PEMT: variants seen among roughly 807,000 people sequenced by gnomAD.
PEMT encodes the protein phospholipid methyltransferase.
PEMT carries 23 observed loss-of-function variants against 27.4 expected under a neutral mutation model. That is an observed-to-expected ratio of 0.84 (90% CI 0.60 to 1.19). The LOEUF is 1.19. Ranked by LOEUF, PEMT falls within the 50% of genes most tolerant of loss-of-function variation. The pLI, the probability that PEMT is intolerant of heterozygous loss-of-function variation, is 0.00. For synonymous variants in PEMT, 137 were observed against 139.1 expected, an observed-to-expected ratio of 0.98 and a Z score of 0.11; for missense variants, 307 against 310.1, an observed-to-expected ratio of 0.99 and a Z score of 0.07.
intron 1 of PEMT, among the ~76,000 whole-genome samples, chr17:17,581,521 G>A (rs999002720): frequency 6.6e-6 from 1 of 152,198 alleles, no homozygotes. Context: ...AAGGAAACTG[G>A]GAAAGTGAGC....
intron 1 of PEMT, among the ~76,000 whole-genome samples, chr17:17,587,600 C>T (rs1261744487): frequency 2.0e-5 from 3 of 152,016 alleles, no homozygotes; most frequent in African/African-American, 4.8e-5. Context: ...AGTGGCTCAC[C>T]GCCTGTAATC....
intron 2 of PEMT, among the ~76,000 whole-genome samples, chr17:17,569,591 T>A (rs899741699): frequency 6.6e-6 from 1 of 152,132 alleles, no homozygotes; most frequent in Admixed American, 6.5e-5. Flanking sequence ...CTTGGCAGGA[T>A]TCCTTACAGC....
At chr17:17,591,395 CCCGCCACGCCACG>C in intron 1 of PEMT, 123 bp downstream of exon 1, 1 of 749,532 alleles carries the variant, frequency 1.3e-6, no homozygotes, top group South Asian at 1.9e-5. Flanking sequence ...CTCCCCCACC[CCCGCCACGCCACG>C]CCCCCATTGC....
chr17:17,561,737 A>AG lies in PEMT; in HGVS notation c.204+15182dup, dbSNP rs1910484917. On this transcript the variant is annotated intron_variant, in intron 2 of 6. Transcript: ENST00000255389. The surrounding 1 kb of genome is among the most constrained non-coding windows in gnomAD (Gnocchi z 4.5). ...GTGTGCTGAGAGGCCCAGAGATATGAGGGGGGCACAACCGCACCGGGCTCC... is the reference window on the plus strand; with the variant it reads ...GTGTGCTGAGAGGCCCAGAGATATGAGGGGGGGCACAACCGCACCGGGCTCC... Among the ~76,000 whole-genome samples the AG allele has an allele frequency of 6.6e-6, 1 of 152,152 alleles. No individual in the cohort carries two copies. Among genetic ancestry groups the AG allele is most frequent in the South Asian group, 2.1e-4 (1 of 4,824 alleles).
chr17:17,560,934 G>T (rs552805652), intron 2 of PEMT, among the ~76,000 whole-genome samples: 1 of 152,062 alleles, frequency 6.6e-6, no homozygotes, highest in African/African-American at 2.4e-5. Context: ...CTGGGCCCTG[G>T]GATCCCTGAA....
chr17:17,546,245 C>G (rs1043870197), intron 2 of PEMT, among the ~76,000 whole-genome samples: 1 of 152,334 alleles, frequency 6.6e-6, no homozygotes, highest in African/African-American at 2.4e-5. Context: ...ATGATGGCAC[C>G]TGTGGAGAAG....
In PEMT at chr17:17,512,394, G is replaced by T; in HGVS notation, c.466+115C>A. 1 of 1,042,032 alleles carries T rather than the reference G, an allele frequency of 9.6e-7. No individual in the cohort carries two copies. The highest frequency in any genetic ancestry group is 1.3e-6 in the Non-Finnish European group (1 of 767,906). The allele number at this position is 1,042,032 out of a possible 1,614,324, so 64.5% of individuals were successfully genotyped here. ...GGAGCAAAGACGCCCCGATGGAGGG[G>T]GCCCCTAGCACTCCCACCGATGTCA... On this transcript the variant is annotated intron_variant, in intron 4 of 6. Transcript: ENST00000255389. This position sits in a 1 kb window ranked among gnomAD's most constrained non-coding sequence, Gnocchi z 6.3.
At chr17:17,584,168 C>CT (rs1374517326) in intron 1 of PEMT, among the ~76,000 whole-genome samples, 6 of 151,054 alleles carry the variant, frequency 4.0e-5, no homozygotes, top group Admixed American at 2.6e-4. Context: ...TTTTTCTTTC[C>CT]TTTTTTTTTG....
chr17:17,576,828 C>T, intron 2 of PEMT, 92 bp downstream of exon 2: 1 of 1,017,136 alleles, frequency 9.8e-7, no homozygotes. Flanking sequence ...GTCTGTCTGG[C>T]CAGCCAGCAG....
At chr17:17,511,635 C>T (rs1286742949) in intron 4 of PEMT, among the ~76,000 whole-genome samples, 1 of 152,244 alleles carries the variant, frequency 6.6e-6, no homozygotes, top group Non-Finnish European at 1.5e-5. Flanking sequence ...CTGCACTGGC[C>T]AGGGCTGATG....
chr17:17,577,687 C>A (rs995927099), intron 1 of PEMT, among the ~76,000 whole-genome samples: 1 of 151,394 alleles, frequency 6.6e-6, no homozygotes, highest in Non-Finnish European at 1.5e-5. Flanking sequence ...AAAAAACCCA[C>A]GGCCCATTCC....
intron 2 of PEMT, among the ~76,000 whole-genome samples, chr17:17,559,699 C>CTG (rs1910333395): frequency 6.6e-6 from 1 of 152,202 alleles, no homozygotes; most frequent in African/African-American, 2.4e-5. Context: ...CCAGGATTCC[C>CTG]AGGAAACCCT....
intron 2 of PEMT, among the ~76,000 whole-genome samples, chr17:17,536,731 G>C (rs1015684982): frequency 6.6e-6 from 1 of 152,206 alleles, no homozygotes; most frequent in South Asian, 2.1e-4. Context: ...ACACCTGCCC[G>C]TCCACCAGGT....
intron 2 of PEMT, among the ~76,000 whole-genome samples, chr17:17,557,706 A>C (rs1278513531): frequency 6.6e-6 from 1 of 152,230 alleles, no homozygotes; most frequent in East Asian, 1.9e-4. Context: ...GCCAGCACCA[A>C]GGAGTAGAGG....
chr17:17,571,885 G>C (rs1911229239), intron 2 of PEMT, among the ~76,000 whole-genome samples: 1 of 152,110 alleles, frequency 6.6e-6, no homozygotes, highest in Non-Finnish European at 1.5e-5. Flanking sequence ...TTTTTACAGA[G>C]ATGACATTTC....
chr17:17,546,406 A>T (rs962878928), intron 2 of PEMT, among the ~76,000 whole-genome samples: 4 of 152,250 alleles, frequency 2.6e-5, no homozygotes, highest in Admixed American at 6.5e-5. Context: ...TCCCAGGAGC[A>T]GCAGGGCTTT....
At chr17:17,586,264 G>GAAAGAAAGAAAT (rs1912282905) in intron 1 of PEMT, among the ~76,000 whole-genome samples, 1 of 109,756 alleles carries the variant, frequency 9.1e-6, no homozygotes, top group Non-Finnish European at 1.8e-5. Flanking sequence ...AAGAAAGAAA[G>GAAAGAAAGAAAT]AAAGAAAGAA....
intron 2 of PEMT, among the ~76,000 whole-genome samples, chr17:17,543,703 T>C (rs963296396): frequency 6.6e-6 from 1 of 152,036 alleles, no homozygotes; most frequent in Non-Finnish European, 1.5e-5. Flanking sequence ...GCTGGGATTA[T>C]AGGCATGCAC....
intron 3 of PEMT, among the ~76,000 whole-genome samples, chr17:17,521,966 G>A (rs536513820): frequency 6.6e-6 from 1 of 152,188 alleles, no homozygotes; most frequent in Non-Finnish European, 1.5e-5. Flanking sequence ...CTGACTGGAC[G>A]CTTCCTGGAG....
Sources: allele counts gnomAD v4.1 joint callset (sites outside exome capture counted in the v4.1 genomes callset), GRCh38; gene constraint gnomAD v4.1.1; non-coding constraint Gnocchi (gnomAD v3.1); transcripts MANE v1.5; gene names NCBI Gene and HGNC (gene_info 2026-07-23, HGNC 2026-07-21).